The following AJAP1 variants were observed in gnomAD, a reference collection of about 807,000 sequenced individuals.
AJAP1 encodes adherens junction-associated protein 1.
Under a neutral mutation model 35.0 loss-of-function variants are expected in AJAP1, and 5 were observed. The ratio of observed to expected loss-of-function variants is 0.14; its 90% confidence interval spans 0.07 to 0.30. The LOEUF (loss-of-function observed/expected upper bound fraction) is 0.30. AJAP1 is among the 10% of genes least tolerant of loss of function. AJAP1 has a pLI of 1.00. For missense variants in AJAP1, 586 were observed against 571.0 expected, an observed-to-expected ratio of 1.03 and a Z score of -0.27; for synonymous variants, 284 against 249.3, an observed-to-expected ratio of 1.14 and a Z score of -1.31.
intron 1 of AJAP1, among the ~76,000 whole-genome samples, chr1:4,681,758 C>T (rs778785842): frequency 6.6e-6 from 1 of 152,210 alleles, no homozygotes; most frequent in Non-Finnish European, 1.5e-5. Context: ...AGACCACGTG[C>T]AGGAAGGCCA....
intron 2 of AJAP1, among the ~76,000 whole-genome samples, chr1:4,769,189 G>C (rs1641770148): frequency 6.6e-6 from 1 of 152,200 alleles, no homozygotes; most frequent in African/African-American, 2.4e-5. Context: ...CTTTGGGACT[G>C]TGGGAAGCAT....
At chr1:4,741,454 G>C (rs901219151) in intron 2 of AJAP1, among the ~76,000 whole-genome samples, 1 of 152,168 alleles carries the variant, frequency 6.6e-6, no homozygotes, top group African/African-American at 2.4e-5. Context: ...ACGGCCCTGT[G>C]TGTGTCTGTG....
intron 1 of AJAP1, among the ~76,000 whole-genome samples, chr1:4,703,984 C>T (rs537056087): frequency 9.8e-5 from 15 of 152,296 alleles, no homozygotes; most frequent in Non-Finnish European, 1.9e-4. Flanking sequence ...CCCTGCTTCT[C>T]CCCACAACGC....
At chr1:4,715,768 G>A (rs3766957) in intron 2 of AJAP1, among the ~76,000 whole-genome samples, 27,507 of 152,226 alleles carry the variant, frequency 0.18, 2,927 homozygotes, top group East Asian at 0.29. Context: ...GGCACCTGGC[G>A]CTGAACAATT....
Position 4,654,847 on chromosome 1 carries a change from T to G in AJAP1, c.-579T>G, listed in dbSNP as rs1638837898. 1 of 150,446 alleles carries G rather than the reference T, an allele frequency of 6.6e-6. No individual in the cohort carries two copies. Among genetic ancestry groups the G allele is most frequent in the African/African-American group, 2.4e-5 (1 of 41,182 alleles). 9.3% of individuals were successfully genotyped at this position (150,446 alleles called of 1,614,324 possible). The stretch of plus-strand genomic sequence containing the variant: ...CGCTCAGACGGAGCCCCCGGGCAAC[T>G]TGAGTGGCGCCGATCGGCGGCGGAG... On this transcript the variant is annotated 5_prime_UTR_variant, in exon 1 of 6. Coordinates refer to ENST00000378191, the MANE Select transcript of AJAP1 (RefSeq NM_018836.4). The surrounding 1 kb of genome is among the most constrained non-coding windows in gnomAD (Gnocchi z 5.1).
chr1:4,680,890 T>G (rs1437348273), intron 1 of AJAP1, among the ~76,000 whole-genome samples: 1 of 152,200 alleles, frequency 6.6e-6, no homozygotes, highest in Admixed American at 6.5e-5. Flanking sequence ...ATGGACTATT[T>G]CTGTGCGGGA....
At chr1:4,689,447 G>A (rs765926543) in intron 1 of AJAP1, among the ~76,000 whole-genome samples, 11 of 152,284 alleles carry the variant, frequency 7.2e-5, no homozygotes, top group African/African-American at 2.4e-4. Flanking sequence ...AGGCGGAGGC[G>A]GGGGGCGTTC....
chr1:4,664,552 C>T (rs537519360), intron 1 of AJAP1, among the ~76,000 whole-genome samples: 1 of 152,310 alleles, frequency 6.6e-6, no homozygotes, highest in African/African-American at 2.4e-5. Context: ...AGCTGATCCC[C>T]ACCATCAGCT....
chr1:4,671,573 C>T (rs12090863), intron 1 of AJAP1, among the ~76,000 whole-genome samples: 2,997 of 152,078 alleles, frequency 0.02, 82 homozygotes, highest in African/African-American at 0.066. Flanking sequence ...AATGCACCAC[C>T]GGGAACAAAT....
intron 1 of AJAP1, among the ~76,000 whole-genome samples, chr1:4,683,625 GT>G (rs1639537355): frequency 6.6e-6 from 1 of 152,186 alleles, no homozygotes; most frequent in South Asian, 2.1e-4. Flanking sequence ...CCTGCACTGG[GT>G]ACCCACAGTC....
intron 2 of AJAP1, among the ~76,000 whole-genome samples, chr1:4,763,575 G>C (rs1256610952): frequency 6.6e-6 from 1 of 152,144 alleles, no homozygotes. Context: ...GGTGTTTCTG[G>C]AAGAGATTGG....
chr1:4,694,140 G>A (rs559985301), intron 1 of AJAP1, among the ~76,000 whole-genome samples: 28 of 152,124 alleles, frequency 1.8e-4, no homozygotes, highest in African/African-American at 5.3e-4. Context: ...TGAGCCTCCC[G>A]TAGTCCATTA....
chr1:4,662,541 C>G (rs756080357), intron 1 of AJAP1, among the ~76,000 whole-genome samples: 3 of 152,130 alleles, frequency 2.0e-5, no homozygotes, highest in African/African-American at 7.2e-5. Context: ...CCATGAACTT[C>G]GCGTGCACGC....
At chr1:4,702,778 A>C (rs1182086882) in intron 1 of AJAP1, among the ~76,000 whole-genome samples, 1 of 152,124 alleles carries the variant, frequency 6.6e-6, no homozygotes, top group African/African-American at 2.4e-5. Context: ...GGACCACCCC[A>C]GGTTCTGGGC....
At chr1:4,752,426 T>A (rs1267942098) in intron 2 of AJAP1, among the ~76,000 whole-genome samples, 1 of 152,276 alleles carries the variant, frequency 6.6e-6, no homozygotes, top group Non-Finnish European at 1.5e-5. Context: ...CCAGAGCCGA[T>A]GGGATGGCCC....
chr1:4,711,877 TCTCTC>T lies in AJAP1; in HGVS notation c.30-20_30-16del. 6.9e-7 allele frequency: 1 copy of T among 1,441,738 alleles called. No homozygotes were observed. 89.3% of individuals were successfully genotyped at this position (1,441,738 alleles called of 1,614,324 possible). On this transcript the variant is annotated intron_variant, in intron 1 of 5. Coordinates refer to ENST00000378191, the MANE Select transcript of AJAP1 (RefSeq NM_018836.4). ...CTCCTGGGCTTCCACTGACCGCTCTTCTCTCCTTTCCCCCCCGCACAGCTCCATGT... is the reference window on the plus strand; with the variant it reads ...CTCCTGGGCTTCCACTGACCGCTCTTCTTTCCCCCCCGCACAGCTCCATGT...
rs187277454 is a variant in AJAP1 at position 4,752,497 on chromosome 1, C to T, written c.830-17356C>T. Reference sequence around the variant, plus strand: ...TCGCAATCTTACGAGCTATGGGGACCGAGTGGTCCACCTGGCTCATAGCAG... The same window carrying T: ...TCGCAATCTTACGAGCTATGGGGACTGAGTGGTCCACCTGGCTCATAGCAG... On this transcript the variant is annotated intron_variant, in intron 2 of 5. Transcript: ENST00000378191. Among the ~76,000 whole-genome samples, 15 of 152,230 alleles carry T rather than the reference C, an allele frequency of 9.9e-5. No individual in the cohort carries two copies. In the East Asian group the frequency reaches 1.5e-3, roughly 16 times the overall value.
rs188896843 is a variant in AJAP1, at chr1:4,691,552, T to G, written c.30-20348T>G. ...GAGGAGCTTGGGCCTCCAGGTCCTGTGTGCCTCTTGACCAAAAGCCCTGGT... is the reference window on the plus strand; with the variant it reads ...GAGGAGCTTGGGCCTCCAGGTCCTGGGTGCCTCTTGACCAAAAGCCCTGGT... On this transcript the variant is annotated intron_variant, in intron 1 of 5. Coordinates refer to ENST00000378191, the MANE Select transcript of AJAP1 (RefSeq NM_018836.4). 4.6e-3 allele frequency among the ~76,000 whole-genome samples: 705 copies of G among 152,306 alleles called. 2 individuals carry two copies. Among genetic ancestry groups the G allele is most frequent in the African/African-American group, 0.015 (621 of 41,582 alleles).
At chr1:4,675,998 C>A (rs1639353892) in intron 1 of AJAP1, among the ~76,000 whole-genome samples, 1 of 152,218 alleles carries the variant, frequency 6.6e-6, no homozygotes, top group South Asian at 2.1e-4. Flanking sequence ...TAGGAGGAAG[C>A]CCGTCTTGTG....
Sources: allele counts gnomAD v4.1 joint callset (sites outside exome capture counted in the v4.1 genomes callset), GRCh38; gene constraint gnomAD v4.1.1; non-coding constraint Gnocchi (gnomAD v3.1); transcripts MANE v1.5; gene names NCBI Gene and HGNC (gene_info 2026-07-23, HGNC 2026-07-21).